Variants in NRG1 observed in about 807,000 individuals in gnomAD.
NRG1 encodes neuregulin 1.
Under a neutral mutation model 63.8 loss-of-function variants are expected in NRG1, and 18 were observed. That is an observed-to-expected ratio of 0.28 (90% CI 0.19 to 0.42). NRG1 has a LOEUF of 0.42. Ranked by LOEUF, NRG1 falls within the 10% of genes least tolerant of loss-of-function variation. The pLI is 1.00. For missense variants in NRG1, 762 were observed against 814.7 expected, an observed-to-expected ratio of 0.94 and a Z score of 0.79; for synonymous variants, 302 against 301.3, an observed-to-expected ratio of 1.00 and a Z score of -0.02.
chr8:32,456,183 C>A (rs541908048), intron 1 of NRG1, among the ~76,000 whole-genome samples: 1 of 152,296 alleles, frequency 6.6e-6, no homozygotes, highest in East Asian at 1.9e-4. Flanking sequence ...CCCATGTATG[C>A]ACAACCGAAT....
intron 1 of NRG1, among the ~76,000 whole-genome samples, chr8:31,902,402 G>A (rs552987738): frequency 2.0e-5 from 3 of 152,056 alleles, no homozygotes; most frequent in African/African-American, 7.2e-5. Context: ...TTGATTATTG[G>A]GTCATCTTGT....
chr8:31,698,754 A>C (rs973424926), intron 1 of NRG1, among the ~76,000 whole-genome samples: 1 of 152,244 alleles, frequency 6.6e-6, no homozygotes, highest in Non-Finnish European at 1.5e-5. Flanking sequence ...ATATCAACTA[A>C]AGATGAAAGA....
intron 5 of NRG1, among the ~76,000 whole-genome samples, chr8:32,720,642 G>A (rs1820382046): frequency 6.6e-6 from 1 of 152,138 alleles, no homozygotes; most frequent in African/African-American, 2.4e-5. Flanking sequence ...TAGCTTTCTT[G>A]TAACTCCATT....
chr8:31,916,676 T>C (rs1443096705), intron 1 of NRG1, among the ~76,000 whole-genome samples: 2 of 152,170 alleles, frequency 1.3e-5, no homozygotes, highest in African/African-American at 4.8e-5. Context: ...TGTGTGCATG[T>C]GTCTTTATAG....
At chr8:32,252,107 A>T (rs565799788) in intron 1 of NRG1, among the ~76,000 whole-genome samples, 7 of 152,060 alleles carry the variant, frequency 4.6e-5, no homozygotes, top group Non-Finnish European at 1.0e-4. Context: ...CCTTTGTCAG[A>T]TGGATAGATT....
chr8:32,724,330 G>C (rs147158180), intron 5 of NRG1, among the ~76,000 whole-genome samples: 7 of 152,026 alleles, frequency 4.6e-5, no homozygotes, highest in Non-Finnish European at 2.9e-5. Flanking sequence ...AACTATTGGG[G>C]GGTATCATCT....
At chr8:32,639,143 T>G (rs1851856976) in intron 5 of NRG1, among the ~76,000 whole-genome samples, 1 of 152,126 alleles carries the variant, frequency 6.6e-6, no homozygotes, top group African/African-American at 2.4e-5. Flanking sequence ...TGGTGGCTCA[T>G]GCCTATAATC....
intron 1 of NRG1, among the ~76,000 whole-genome samples, chr8:32,588,187 G>C (rs914464263): frequency 2.8e-4 from 42 of 152,176 alleles, no homozygotes; most frequent in African/African-American, 9.7e-4. Flanking sequence ...CTCCCAAAGA[G>C]CTGGGATTGC....
intron 1 of NRG1, among the ~76,000 whole-genome samples, chr8:31,964,609 G>A (rs1297035987): frequency 6.6e-6 from 1 of 152,180 alleles, no homozygotes; most frequent in Non-Finnish European, 1.5e-5. Flanking sequence ...AGGCTGCAGT[G>A]AGCCATGACA....
At chr8:31,968,609 G>A (rs1183129222) in intron 1 of NRG1, among the ~76,000 whole-genome samples, 3 of 152,150 alleles carry the variant, frequency 2.0e-5, no homozygotes, top group African/African-American at 7.2e-5. Flanking sequence ...GTAGTTGCCT[G>A]ACTTTTCTGC....
At chr8:31,689,266 G>A (rs1323205342) in intron 1 of NRG1, among the ~76,000 whole-genome samples, 1 of 152,056 alleles carries the variant, frequency 6.6e-6, no homozygotes, top group Non-Finnish European at 1.5e-5. Flanking sequence ...TGTTTGGTGG[G>A]GTGTTATTCT....
At chr8:31,686,757 T>G (rs1034213780) in intron 1 of NRG1, among the ~76,000 whole-genome samples, 1 of 151,772 alleles carries the variant, frequency 6.6e-6, no homozygotes, top group African/African-American at 2.4e-5. Flanking sequence ...ATGGTCTTTT[T>G]TGTTGTTTTT....
At chr8:31,787,746 T>C (rs1820316118) in intron 1 of NRG1, among the ~76,000 whole-genome samples, 1 of 152,202 alleles carries the variant, frequency 6.6e-6, no homozygotes, top group Non-Finnish European at 1.5e-5. Flanking sequence ...TGTACTTCTC[T>C]TGTTCAGGGC....
chr8:32,759,488 C>T (rs1426329918), intron 10 of NRG1, 52 bp downstream of exon 10: 2 of 1,587,128 alleles, frequency 1.3e-6, no homozygotes, highest in Admixed American at 1.7e-5. Context: ...AATTGTTGCA[C>T]ATTGCCTTTT....
chr8:32,116,482 C>G (rs1039028140), intron 1 of NRG1, among the ~76,000 whole-genome samples: 1 of 152,130 alleles, frequency 6.6e-6, no homozygotes, highest in Middle Eastern at 3.2e-3. Context: ...GATTAAATAT[C>G]ATGCCGCAAA....
chr8:31,774,908 T>C (rs1013704819), intron 1 of NRG1, among the ~76,000 whole-genome samples: 4 of 152,130 alleles, frequency 2.6e-5, no homozygotes, highest in African/African-American at 9.7e-5. Flanking sequence ...AGAATAGTTA[T>C]TATTAAAAAG....
intron 1 of NRG1, among the ~76,000 whole-genome samples, chr8:32,078,624 G>A (rs1826970672): frequency 6.6e-6 from 1 of 152,088 alleles, no homozygotes; most frequent in South Asian, 2.1e-4. Context: ...AATATAACTG[G>A]ACCAAAGGAA....
chr8:32,142,433 A>G (rs528830892), intron 1 of NRG1, among the ~76,000 whole-genome samples: 2 of 152,322 alleles, frequency 1.3e-5, no homozygotes, highest in South Asian at 4.1e-4. Flanking sequence ...TGGAAAATCA[A>G]TATTCGGCGT....
intron 1 of NRG1, among the ~76,000 whole-genome samples, chr8:31,812,992 A>C (rs566472210): frequency 6.6e-6 from 1 of 152,322 alleles, no homozygotes; most frequent in Admixed American, 6.5e-5. Flanking sequence ...AGAAGACTGA[A>C]GCAAGAATAT....
Sources: allele counts gnomAD v4.1 joint callset (sites outside exome capture counted in the v4.1 genomes callset), GRCh38; gene constraint gnomAD v4.1.1; transcripts MANE v1.5; gene names NCBI Gene and HGNC (gene_info 2026-07-23, HGNC 2026-07-21).